KHDC1: variants seen among roughly 807,000 people sequenced by gnomAD.
KHDC1 encodes the protein KH domain containing 1, also known as KH homology domain-containing protein 1.
In KHDC1, 21 loss-of-function variants were observed where a neutral mutation model predicts 24.7. That is an observed-to-expected ratio of 0.85 (90% CI 0.60 to 1.23). The LOEUF (loss-of-function observed/expected upper bound fraction) is 1.23. KHDC1 is among the 50% of genes most tolerant of loss of function. KHDC1 has a pLI of 0.00. For synonymous variants in KHDC1, 98 were observed against 111.7 expected, an observed-to-expected ratio of 0.88 and a Z score of 0.77; for missense variants, 274 against 298.5, an observed-to-expected ratio of 0.92 and a Z score of 0.61.
intron 1 of KHDC1, chr6:73,292,615 T>C: frequency 1.3e-6 from 1 of 760,002 alleles, no homozygotes. Flanking sequence ...TTCACTGGTC[T>C]CTGTTTTCTT....
At chr6:73,294,574 A>G (rs1247931222) in intron 1 of KHDC1, among the ~76,000 whole-genome samples, 1 of 152,232 alleles carries the variant, frequency 6.6e-6, no homozygotes, top group African/African-American at 2.4e-5. Context: ...TATTCCTTTA[A>G]AATTAAATAA....
intron 2 of KHDC1, among the ~76,000 whole-genome samples, chr6:73,277,178 A>G (rs1254872752): frequency 6.6e-6 from 1 of 152,178 alleles, no homozygotes; most frequent in Non-Finnish European, 1.5e-5. Flanking sequence ...GTTAAAAAGA[A>G]CAAGTCTGGT....
intron 2 of KHDC1, among the ~76,000 whole-genome samples, chr6:73,286,239 G>T (rs1045996531): frequency 6.6e-6 from 1 of 152,016 alleles, no homozygotes; most frequent in African/African-American, 2.4e-5. Flanking sequence ...GTTTTTTTAA[G>T]TCAGTAAAGG....
At chr6:73,304,790 T>C (rs1017642552) in intron 1 of KHDC1, among the ~76,000 whole-genome samples, 2 of 152,198 alleles carry the variant, frequency 1.3e-5, no homozygotes, top group African/African-American at 2.4e-5. Flanking sequence ...GTTTCCTTTC[T>C]GAATCTATCA....
intron 1 of KHDC1, among the ~76,000 whole-genome samples, chr6:73,296,146 A>C (rs1283068889): frequency 6.7e-6 from 1 of 149,868 alleles, no homozygotes; most frequent in African/African-American, 2.5e-5. Context: ...CATTTCAAAA[A>C]ACTAAAAAGA....
intron 2 of KHDC1, among the ~76,000 whole-genome samples, chr6:73,273,377 A>C (rs1767217229): frequency 6.6e-6 from 1 of 151,794 alleles, no homozygotes; most frequent in African/African-American, 2.4e-5. Flanking sequence ...CATGTTGGCC[A>C]GGCTGGTCTC....
intron 2 of KHDC1, among the ~76,000 whole-genome samples, chr6:73,267,245 CA>C (rs2150584457): frequency 6.6e-6 from 1 of 152,262 alleles, no homozygotes. Context: ...TCTAGGAGGC[CA>C]AGGCAGGTGG....
intron 1 of KHDC1, among the ~76,000 whole-genome samples, chr6:73,309,040 G>T (rs558436869): frequency 1.3e-5 from 2 of 152,262 alleles, no homozygotes; most frequent in South Asian, 2.1e-4. Context: ...GGCCAGGCGG[G>T]TCTGAAACTC....
At chr6:73,282,971 A>G (rs994896510) in intron 2 of KHDC1, among the ~76,000 whole-genome samples, 4 of 152,224 alleles carry the variant, frequency 2.6e-5, no homozygotes, top group Admixed American at 2.6e-4. Context: ...GCCTGTCTTT[A>G]TAAATTGGCT....
rs902230739 is a variant in KHDC1, at chr6:73,244,357, C to T, written c.207-1827G>A. On this transcript the variant is annotated intron_variant, in intron 2 of 4. Coordinates refer to ENST00000370384, the Ensembl canonical transcript of KHDC1. ...TGCTTGAGTGAAGGCTGGGGAGTTA[C>T]TGAAGATTAAGGACTAACACTGCAA... Among the ~76,000 whole-genome samples, 6 of 151,914 alleles carry T rather than the reference C, an allele frequency of 3.9e-5. No homozygotes were observed. In the East Asian group the frequency reaches 1.2e-3, roughly 29 times the overall value.
intron 1 of KHDC1, among the ~76,000 whole-genome samples, chr6:73,296,822 T>G (rs1259780219): frequency 2.0e-5 from 3 of 152,122 alleles, no homozygotes; most frequent in Admixed American, 2.0e-4. Flanking sequence ...CACTATACAG[T>G]GAAGTCTTTT....
chr6:73,289,947 C>T (rs7758517), intron 2 of KHDC1, among the ~76,000 whole-genome samples: 1 of 146,694 alleles, frequency 6.8e-6, no homozygotes, highest in Non-Finnish European at 1.5e-5. Context: ...AAAAATACAA[C>T]AAATTAGCCG....
At chr6:73,285,214 GT>G (rs1402655422) in intron 2 of KHDC1, among the ~76,000 whole-genome samples, 2 of 152,134 alleles carry the variant, frequency 1.3e-5, no homozygotes, top group Non-Finnish European at 2.9e-5. Flanking sequence ...GAAAGACAAT[GT>G]TACTTTTTAT....
chr6:73,271,279 C>T (rs537704263), intron 2 of KHDC1, among the ~76,000 whole-genome samples: 1 of 151,988 alleles, frequency 6.6e-6, no homozygotes, highest in South Asian at 2.1e-4. Context: ...ACAATCTCAG[C>T]TCACTGCAAC....
At chr6:73,282,851 T>C (rs1335498442) in intron 2 of KHDC1, among the ~76,000 whole-genome samples, 1 of 152,190 alleles carries the variant, frequency 6.6e-6, no homozygotes, top group East Asian at 1.9e-4. Flanking sequence ...CATATTATCC[T>C]TAAAAACTCT....
At chr6:73,302,349 T>C (rs973193960) in intron 1 of KHDC1, among the ~76,000 whole-genome samples, 3 of 152,140 alleles carry the variant, frequency 2.0e-5, no homozygotes, top group African/African-American at 7.2e-5. Context: ...CAGTCATGCA[T>C]CATTTAACAG....
At chr6:73,247,273 A>G (rs1248688977) in intron 2 of KHDC1, among the ~76,000 whole-genome samples, 1 of 152,068 alleles carries the variant, frequency 6.6e-6, no homozygotes, top group Non-Finnish European at 1.5e-5. Flanking sequence ...CAACACGCCC[A>G]GCCCAACATG....
intron 2 of KHDC1, among the ~76,000 whole-genome samples, chr6:73,260,774 T>A (rs1310639439): frequency 6.6e-6 from 1 of 152,206 alleles, no homozygotes; most frequent in Admixed American, 6.5e-5. Context: ...AAAATGGATC[T>A]CTCTATTTTT....
intron 3 of KHDC1, 78 bp downstream of exon 2, chr6:73,242,328 T>A (rs189916723): frequency 1.2e-6 from 2 of 1,608,108 alleles, no homozygotes; most frequent in Non-Finnish European, 8.5e-7. Flanking sequence ...ATGTGACTGA[T>A]GAAGGTGGGA....
Sources: gnomAD v4.1 joint callset for allele counts (sites outside exome capture counted in the v4.1 genomes callset) on GRCh38, gnomAD v4.1.1 for gene constraint, MANE v1.5 for transcripts, NCBI Gene and HGNC (gene_info 2026-07-23, HGNC 2026-07-21) for gene names.